DSCAM: variants seen among roughly 807,000 people sequenced by gnomAD.
DSCAM encodes cell adhesion molecule DSCAM.
DSCAM carries 47 observed loss-of-function variants against 217.7 expected under a neutral mutation model. The ratio of observed to expected loss-of-function variants is 0.22; its 90% CI spans 0.17 to 0.28. The LOEUF (loss-of-function observed/expected upper bound fraction) is 0.28, where lower values mean the gene tolerates loss of function less well. Among genes scored for constraint, DSCAM ranks in the 10% least tolerant of loss-of-function variants. The probability of loss-of-function intolerance (pLI) is 1.00; values close to 1 mark genes in which losing one functional copy is unlikely to be tolerated. For synonymous variants in DSCAM, 1,056 were observed against 1,015.3 expected (o/e 1.04, Z -0.76); for missense variants, 2,080 against 2,618.3 (o/e 0.79, Z 4.49).
chr21:40,458,892 T>A (rs2075784147), intron 3 of DSCAM, among the ~76,000 whole-genome samples: 1 of 151,952 alleles, frequency 6.6e-6, no homozygotes, highest in African/African-American at 2.4e-5. Context: ...CACTCTTGAA[T>A]CACAAAGGAA....
intron 1 of DSCAM, among the ~76,000 whole-genome samples, chr21:40,749,373 T>C (rs1298171852): frequency 1.3e-5 from 2 of 152,108 alleles, no homozygotes; most frequent in East Asian, 3.9e-4. Flanking sequence ...AACAACTCAA[T>C]ATCAAAAAAG....
At chr21:40,050,885 G>A (rs75403636) in intron 30 of DSCAM, among the ~76,000 whole-genome samples, 2 of 152,036 alleles carry the variant, frequency 1.3e-5, no homozygotes, top group Admixed American at 6.5e-5. Flanking sequence ...GAAGAAAGGC[G>A]GTAAGAAGAT....
intron 1 of DSCAM, among the ~76,000 whole-genome samples, chr21:40,821,807 A>G (rs2091930590): frequency 6.6e-6 from 1 of 152,212 alleles, no homozygotes; most frequent in African/African-American, 2.4e-5. Flanking sequence ...TGGGAGCTAA[A>G]TGATGAGAAC....
At chr21:40,142,284 TGACATA>T (rs1361327171) in intron 18 of DSCAM, among the ~76,000 whole-genome samples, 1 of 144,506 alleles carries the variant, frequency 6.9e-6, no homozygotes, top group Non-Finnish European at 1.5e-5. Context: ...TGCAGAGCCT[TGACATA>T]GACATAATTA....
intron 3 of DSCAM, among the ~76,000 whole-genome samples, chr21:40,425,697 C>T (rs1316546949): frequency 3.3e-5 from 5 of 150,084 alleles, no homozygotes; most frequent in Non-Finnish European, 4.4e-5. Flanking sequence ...AAAACTCTTC[C>T]TTGTTCATTT....
chr21:40,324,993 G>A (rs1348396579), intron 8 of DSCAM, among the ~76,000 whole-genome samples: 1 of 152,070 alleles, frequency 6.6e-6, no homozygotes, highest in Non-Finnish European at 1.5e-5. Context: ...TAAAATCACT[G>A]GTATTCATTT....
At position 40,013,206 on chromosome 21, in the gene DSCAM, G is replaced by C. The variant is rs779353996; in HGVS notation, c.5867C>G (p.Ser1956Cys). ...IPMEAASSAS[S>C]TREGQSWQPG... ...CTGCCACGACTGTCCTTCTCTCGTG[G>C]AGGAGGCGGAGGAGGCGGCTTCCAT... Residue 1956 changes from serine to cysteine, a missense_variant, in exon 33 of 33, where the codon TCC (serine) becomes TGC (cysteine). Transcript: ENST00000400454. 4.7e-5 allele frequency: 76 copies of C among 1,613,518 alleles called. No individual in the cohort carries two copies. The highest frequency in any genetic ancestry group is 6.1e-5 in the Non-Finnish European group (72 of 1,179,820).
At position 40,369,253 on chromosome 21, in the gene DSCAM, A is replaced by G. The variant is rs565778505; in HGVS notation, c.509-8T>C. The G allele has an allele frequency of 3.7e-6, 6 of 1,605,962 alleles. No homozygotes were observed. The African/African-American group carries it at 4.0e-5, about 11-fold the overall frequency. On this transcript the variant is annotated splice_polypyrimidine_tract_variant and splice_region_variant and intron_variant, in intron 3 of 32. Coordinates refer to ENST00000400454, the MANE Select transcript of DSCAM (RefSeq NM_001389.5). ...TGATGAGAAATCTAGATCCTGAAAT[A>G]GAGGAAAACAGTGGCTTGGTTAAAA...
chr21:40,115,185 C>T (rs1182562812), intron 20 of DSCAM, among the ~76,000 whole-genome samples: 3 of 152,118 alleles, frequency 2.0e-5, no homozygotes, highest in East Asian at 1.9e-4. Context: ...CAATGATAGA[C>T]TGGATTAAGA....
intron 3 of DSCAM, among the ~76,000 whole-genome samples, chr21:40,578,563 G>T (rs573623559): frequency 6.6e-6 from 1 of 152,304 alleles, no homozygotes; most frequent in East Asian, 1.9e-4. Flanking sequence ...GAGAATAAAA[G>T]CTGGCCACTG....
At chr21:40,074,696 A>T (rs1279663744) in intron 27 of DSCAM, among the ~76,000 whole-genome samples, 1 of 152,178 alleles carries the variant, frequency 6.6e-6, no homozygotes, top group African/African-American at 2.4e-5. Flanking sequence ...AATCTGATAG[A>T]TCTTTTCATA....
intron 3 of DSCAM, among the ~76,000 whole-genome samples, chr21:40,389,722 A>T (rs1038124260): frequency 3.3e-5 from 5 of 152,176 alleles, no homozygotes; most frequent in African/African-American, 1.2e-4. Context: ...CAGAATGGAC[A>T]AGTACTCTCG....
intron 11 of DSCAM, among the ~76,000 whole-genome samples, chr21:40,195,431 C>T (rs2837488): frequency 0.48 from 73,126 of 152,070 alleles, 18,357 homozygotes; most frequent in African/African-American, 0.62. Context: ...CTGTCACAAG[C>T]ATCTGGCTCA....
chr21:40,485,111 C>T (rs182024995), intron 3 of DSCAM, among the ~76,000 whole-genome samples: 15 of 152,152 alleles, frequency 9.9e-5, no homozygotes, highest in Non-Finnish European at 1.8e-4. Context: ...TCTGGCCTCA[C>T]TGACAACACA....
chr21:40,365,441 T>C (rs2074821078), intron 4 of DSCAM, among the ~76,000 whole-genome samples: 1 of 152,190 alleles, frequency 6.6e-6, no homozygotes, highest in African/African-American at 2.4e-5. Context: ...TTCCCTACTT[T>C]GAAGGTTTTG....
chr21:40,714,302 C>T (rs899808954), intron 1 of DSCAM, among the ~76,000 whole-genome samples: 1 of 152,068 alleles, frequency 6.6e-6, no homozygotes, highest in East Asian at 1.9e-4. Flanking sequence ...GTAGAGCTAC[C>T]AGCACATAAC....
intron 1 of DSCAM, among the ~76,000 whole-genome samples, chr21:40,760,307 C>T (rs540620958): frequency 4.6e-5 from 7 of 152,292 alleles, no homozygotes; most frequent in South Asian, 2.1e-4. Flanking sequence ...GGAGCCACTA[C>T]GCCCAGCCAC....
chr21:40,793,126 G>A (rs1056070345), intron 1 of DSCAM, among the ~76,000 whole-genome samples: 2 of 152,288 alleles, frequency 1.3e-5, no homozygotes, highest in South Asian at 2.1e-4. Flanking sequence ...ATGTTTGCAC[G>A]TAGTTAAGAA....
intron 3 of DSCAM, among the ~76,000 whole-genome samples, chr21:40,373,764 T>C (rs757970222): frequency 9.2e-5 from 14 of 152,230 alleles, no homozygotes; most frequent in Non-Finnish European, 1.8e-4. Context: ...GAGAGATTTC[T>C]CAGTGTGGAA....
Sources: gnomAD v4.1 joint callset for allele counts (sites outside exome capture counted in the v4.1 genomes callset) on GRCh38, gnomAD v4.1.1 for gene constraint, MANE v1.5 for transcripts, NCBI Gene and HGNC (gene_info 2026-07-23, HGNC 2026-07-21) for gene names.